The following RBM19 variants were observed in gnomAD, a reference collection of about 807,000 sequenced individuals.
RBM19 encodes probable RNA-binding protein 19.
RBM19 carries 94 observed loss-of-function variants against 116.8 expected under a neutral mutation model. The ratio of observed to expected loss-of-function variants is 0.80; its 90% CI spans 0.68 to 0.95. RBM19 has a LOEUF of 0.95. Among genes scored for constraint, RBM19 ranks in the 40% least tolerant of loss-of-function variants. The pLI is 0.00. For missense variants in RBM19, 1,161 were observed against 1,220.7 expected (o/e 0.95, Z 0.73); for synonymous variants, 475 against 494.1 (o/e 0.96, Z 0.51).
intron 21 of RBM19, among the ~76,000 whole-genome samples, chr12:113,882,249 G>A (rs972583976): frequency 2.0e-5 from 3 of 152,204 alleles, no homozygotes; most frequent in African/African-American, 7.2e-5. Flanking sequence ...ACAGGCACCA[G>A]GTGTCTTAAG....
At chr12:113,959,506 T>A in intron 4 of RBM19, 102 bp from the exon 5 acceptor site, 1 of 1,288,826 alleles carries the variant, frequency 7.8e-7, no homozygotes, top group Non-Finnish European at 1.1e-6. Flanking sequence ...CTTAAGAGGG[T>A]GAGAAGATCC....
intron 21 of RBM19, among the ~76,000 whole-genome samples, chr12:113,878,605 G>T (rs1879837951): frequency 6.8e-6 from 1 of 147,142 alleles, no homozygotes; most frequent in Admixed American, 6.9e-5. Flanking sequence ...ATGGGGCCCA[G>T]AAGAAAGAGG....
In RBM19 at chr12:113,950,900, T is replaced by G. The variant is rs140327771; in HGVS notation, c.1001-746A>C. On this transcript the variant is annotated intron_variant, in intron 8 of 23. Transcript: ENST00000261741. The stretch of plus-strand genomic sequence containing the variant: ...TCTTCCGTCCTTTTCCCTCCCCCTC[T>G]CCATGGCCACACCCTAGGCCCCATC... 1.4e-4 allele frequency among the ~76,000 whole-genome samples: 22 copies of G among 152,004 alleles called. No individual in the cohort carries two copies. The East Asian group carries it at 3.5e-3, about 24-fold the overall frequency.
At chr12:113,900,475 A>G (rs1450996901) in intron 21 of RBM19, among the ~76,000 whole-genome samples, 1 of 152,202 alleles carries the variant, frequency 6.6e-6, no homozygotes, top group Admixed American at 6.5e-5. Flanking sequence ...GCCATGACCA[A>G]TGGGTTTGTG....
At chr12:113,940,236 G>C (rs1034662568) in intron 14 of RBM19, 76 bp from the exon 15 acceptor site, 2 of 1,455,094 alleles carry the variant, frequency 1.4e-6, no homozygotes, top group South Asian at 2.5e-5. Flanking sequence ...AGGGATCGTG[G>C]GGCTCTCCAG....
intron 20 of RBM19, among the ~76,000 whole-genome samples, chr12:113,917,234 C>T (rs1313011014): frequency 6.6e-6 from 1 of 152,230 alleles, no homozygotes; most frequent in Non-Finnish European, 1.5e-5. Flanking sequence ...TGAATTCAGG[C>T]TGGCTCTCTG....
At chr12:113,888,950 G>A in intron 21 of RBM19, among the ~76,000 whole-genome samples, 1 of 152,222 alleles carries the variant, frequency 6.6e-6, no homozygotes, top group East Asian at 1.9e-4. Flanking sequence ...CCTTTGGGGG[G>A]CTCTTCTGGA....
At chr12:113,899,985 G>A (rs1881581953) in intron 21 of RBM19, among the ~76,000 whole-genome samples, 1 of 152,110 alleles carries the variant, frequency 6.6e-6, no homozygotes, top group South Asian at 2.1e-4. Context: ...GGCTGCTTGG[G>A]GCAGGAGGGG....
At chr12:113,915,474 C>A (rs555962640) in intron 20 of RBM19, among the ~76,000 whole-genome samples, 18 of 152,228 alleles carry the variant, frequency 1.2e-4, no homozygotes, top group African/African-American at 4.1e-4. Flanking sequence ...ATCAATAACC[C>A]GAGGAGGAAC....
At chr12:113,893,102 G>A (rs1028535853) in intron 21 of RBM19, among the ~76,000 whole-genome samples, 3 of 151,576 alleles carry the variant, frequency 2.0e-5, no homozygotes, top group African/African-American at 7.3e-5. Context: ...TGCAATCATG[G>A]CTCACAGCAG....
intron 17 of RBM19, among the ~76,000 whole-genome samples, 177 bp from the exon 18 acceptor site, chr12:113,924,934 C>T (rs148885479): frequency 4.6e-5 from 7 of 152,234 alleles, no homozygotes; most frequent in African/African-American, 1.7e-4. Flanking sequence ...TAGAGTTCCC[C>T]ATAAGAGCAG....
intron 21 of RBM19, among the ~76,000 whole-genome samples, chr12:113,882,119 G>C (rs1192376028): frequency 1.3e-5 from 2 of 152,258 alleles, no homozygotes; most frequent in African/African-American, 2.4e-5. Flanking sequence ...CCTCTAAGGG[G>C]AGAAGGGCTC....
At chr12:113,943,942 CAT>C (rs1870788446) in intron 13 of RBM19, among the ~76,000 whole-genome samples, 1 of 152,078 alleles carries the variant, frequency 6.6e-6, no homozygotes, top group Non-Finnish European at 1.5e-5. Flanking sequence ...TCCAACTACA[CAT>C]GTGGCTCACA....
intron 1 of RBM19, among the ~76,000 whole-genome samples, chr12:113,965,127 G>A (rs974105359): frequency 1.3e-5 from 2 of 151,562 alleles, no homozygotes; most frequent in African/African-American, 4.8e-5. Flanking sequence ...AAAAAAATTA[G>A]TCGGGCTTGG....
At chr12:113,827,991 T>C (rs1363951534) in intron 23 of RBM19, among the ~76,000 whole-genome samples, 1 of 150,948 alleles carries the variant, frequency 6.6e-6, no homozygotes, top group East Asian at 2.0e-4. Flanking sequence ...TCAATATAGG[T>C]TGGTCATTCT....
intron 9 of RBM19, among the ~76,000 whole-genome samples, chr12:113,949,343 T>C (rs1871296545): frequency 1.3e-5 from 2 of 152,200 alleles, no homozygotes; most frequent in South Asian, 4.1e-4. Context: ...CTGCTTGCTG[T>C]TCTGCCTTGG....
chr12:113,843,426 C>T (rs896188497), intron 23 of RBM19, among the ~76,000 whole-genome samples: 12 of 152,126 alleles, frequency 7.9e-5, no homozygotes, highest in African/African-American at 2.9e-4. Context: ...AATGCGGTGG[C>T]GTGCCAGGAA....
At chr12:113,864,308 G>A (rs925425373) in intron 21 of RBM19, among the ~76,000 whole-genome samples, 1 of 152,220 alleles carries the variant, frequency 6.6e-6, no homozygotes, top group Non-Finnish European at 1.5e-5. Context: ...ATTGGGGGCA[G>A]CTGCATGGGA....
intron 21 of RBM19, among the ~76,000 whole-genome samples, chr12:113,906,658 G>C (rs1882065938): frequency 6.6e-6 from 1 of 151,980 alleles, no homozygotes; most frequent in Non-Finnish European, 1.5e-5. Flanking sequence ...TCGGGGCTCG[G>C]CATTTACTGT....
Sources: allele counts gnomAD v4.1 joint callset (sites outside exome capture counted in the v4.1 genomes callset), GRCh38; gene constraint gnomAD v4.1.1; transcripts MANE v1.5; gene names NCBI Gene and HGNC (gene_info 2026-07-23, HGNC 2026-07-21).